The following FGF3 variants were observed in gnomAD, a reference collection of about 807,000 sequenced individuals.
FGF3 encodes fibroblast growth factor 3.
Under a neutral mutation model 9.8 loss-of-function variants are expected in FGF3, and 7 were observed. The ratio of observed to expected loss-of-function variants is 0.72; its 90% CI spans 0.41 to 1.35. The LOEUF (loss-of-function observed/expected upper bound fraction) is 1.35. Ranked by LOEUF, FGF3 falls within the 40% of genes most tolerant of loss-of-function variation. The pLI, the probability that FGF3 is intolerant of heterozygous loss-of-function variation, is 0.01. For missense variants in FGF3, 390 were observed against 345.6 expected (o/e 1.13, Z -1.02); for synonymous variants, 173 against 157.2 (o/e 1.10, Z -0.75).
intron 2 of FGF3, among the ~76,000 whole-genome samples, chr11:69,813,206 C>A (rs1210658004): frequency 6.6e-6 from 1 of 152,264 alleles, no homozygotes; most frequent in East Asian, 1.9e-4. Context: ...GGGGCGGGCA[C>A]TTTCTCATGG....
intron 1 of FGF3, 27 bp downstream of exon 1, chr11:69,818,687 C>G (rs2119938884): frequency 6.9e-7 from 1 of 1,447,530 alleles, no homozygotes; most frequent in South Asian, 1.3e-5. Flanking sequence ...CCGCTTCCCC[C>G]GGGGCCCCGC....
intron 1 of FGF3, among the ~76,000 whole-genome samples, chr11:69,816,752 C>G (rs960805632): frequency 3.3e-5 from 5 of 152,210 alleles, no homozygotes; most frequent in Non-Finnish European, 7.3e-5. Flanking sequence ...GACAGACAAG[C>G]AAGTGGGGAC....
At chr11:69,813,764 A>ATGGG (rs1565114969) in intron 2 of FGF3, among the ~76,000 whole-genome samples, 1 of 102,424 alleles carries the variant, frequency 9.8e-6, no homozygotes. Flanking sequence ...GGATGGGTGG[A>ATGGG]TGGGTGGATG....
chr11:69,816,139 C>T (rs1387148241), intron 2 of FGF3, among the ~76,000 whole-genome samples, 181 bp downstream of exon 2: 3 of 152,180 alleles, frequency 2.0e-5, no homozygotes, highest in Admixed American at 2.0e-4. Context: ...GCGGAGCAGC[C>T]TCTAACAGAC....
Position 69,810,627 on chromosome 11 carries a change from A to G in FGF3, c.398T>C (p.Leu133Pro). Reference protein sequence around the residue: ...ELGYNTYASRLYRTVSSTPGA... With the variant: ...ELGYNTYASRPYRTVSSTPGA... ...AGGCGTACTAGACACCGTCCGGTAC[A>G]GCCGGGAGGCATACGTATTATAGCC... Residue 133 changes from leucine (L) to proline (P), a missense_variant, in exon 3 of 3, where the codon CTG becomes CCG. Coordinates refer to ENST00000334134, the MANE Select transcript of FGF3 (RefSeq NM_005247.4). 3 of 1,603,658 alleles carry G rather than the reference A, an allele frequency of 1.9e-6. No individual in the cohort carries two copies. The highest frequency in any genetic ancestry group is 1.7e-6 in the Non-Finnish European group (2 of 1,173,170).
chr11:69,811,311 G>A (rs1031809212), intron 2 of FGF3, among the ~76,000 whole-genome samples: 2 of 152,040 alleles, frequency 1.3e-5, no homozygotes, highest in Non-Finnish European at 2.9e-5. Context: ...TTAGCCGGGT[G>A]TGGTGGCGTG....
At chr11:69,812,878 G>A (rs1554980577) in intron 2 of FGF3, among the ~76,000 whole-genome samples, 1 of 152,168 alleles carries the variant, frequency 6.6e-6, no homozygotes, top group East Asian at 1.9e-4. Context: ...AGGTGGCAGG[G>A]GGCTCAGGCT....
Position 69,818,927 on chromosome 11 carries a change from G to A in FGF3, c.7C>T (p.Leu3=), listed in dbSNP as rs1856191734. MG[L]IWLLLLSLLE... ...AGGCTGAGCAGTAGCAGCCAGATTA[G>A]GCCCATCGTGGCATCGCGCCCGCCC... Residue 3 remains leucine (L), a synonymous_variant, in exon 1 of 3, where the codon CTA becomes TTA. Transcript: ENST00000334134. The A allele has an allele frequency of 6.8e-7, 1 of 1,466,378 alleles. No individual in the cohort carries two copies. Among genetic ancestry groups the A allele is most frequent in the African/African-American group, 1.5e-5 (1 of 67,950 alleles). The allele number at this position is 1,466,378 out of a possible 1,614,324, so 90.8% of individuals were successfully genotyped here.
chr11:69,818,616 G>T (rs1234908881), intron 1 of FGF3, 98 bp downstream of exon 1: 15 of 885,088 alleles, frequency 1.7e-5, no homozygotes, highest in African/African-American at 3.6e-5. Context: ...CCCCTCCCCG[G>T]CGCCGCCTCC....
At chr11:69,814,365 G>A (rs1856093960) in intron 2 of FGF3, among the ~76,000 whole-genome samples, 1 of 152,008 alleles carries the variant, frequency 6.6e-6, no homozygotes, top group Non-Finnish European at 1.5e-5. Flanking sequence ...GCCCACTCTG[G>A]GTGAGAGTGA....
At chr11:69,817,737 C>G (rs1048221855) in intron 1 of FGF3, among the ~76,000 whole-genome samples, 1 of 152,084 alleles carries the variant, frequency 6.6e-6, no homozygotes, top group African/African-American at 2.4e-5. Flanking sequence ...GGGCCGGAGC[C>G]GAGCGCCGCG....
chr11:69,818,645 G>T (rs1856184107), intron 1 of FGF3, 69 bp downstream of exon 1: 7 of 1,203,792 alleles, frequency 5.8e-6, no homozygotes, highest in South Asian at 1.9e-5. Flanking sequence ...GCCCCGCAGC[G>T]CGCCTTCTCC....
At chr11:69,816,462 A>T (rs1554981106) in intron 1 of FGF3, 39 bp from the exon 2 acceptor site, 2 of 1,514,552 alleles carry the variant, frequency 1.3e-6, no homozygotes, top group South Asian at 1.1e-5. Flanking sequence ...CGCCGCCCCC[A>T]CGGAGGGGGC....
intron 2 of FGF3, among the ~76,000 whole-genome samples, chr11:69,814,085 G>A (rs1186627397): frequency 2.6e-5 from 4 of 151,902 alleles, no homozygotes; most frequent in African/African-American, 7.3e-5. Flanking sequence ...AAAGAAGGAA[G>A]GAAGGAGAGG....
At position 69,818,981 on chromosome 11, in the gene FGF3, G is replaced by A. The variant is rs1554981478; in HGVS notation, c.-48C>T. 7.6e-7 allele frequency: 1 copy of A among 1,320,368 alleles called. No individual in the cohort carries two copies. Among genetic ancestry groups the A allele is most frequent in the Non-Finnish European group, 1.0e-6 (1 of 997,532 alleles). The allele number at this position is 1,320,368 out of a possible 1,614,324, so 81.8% of individuals were successfully genotyped here. On this transcript the variant is annotated 5_prime_UTR_variant, in exon 1 of 3. Coordinates refer to ENST00000334134, the MANE Select transcript of FGF3 (RefSeq NM_005247.4). The stretch of plus-strand genomic sequence containing the variant: ...GGCGGCGGCGGCTGCAGGCGAGCGC[G>A]GCGCCCATGGAAGGGGCGGCAGCCG...
chr11:69,810,594 C>T lies in FGF3; in HGVS notation c.431G>A (p.Arg144His), dbSNP rs781807006. The T allele has an allele frequency of 1.2e-5, 20 of 1,610,858 alleles. No individual in the cohort carries two copies. Among genetic ancestry groups the T allele is most frequent in the African/African-American group, 4.0e-5 (3 of 74,900 alleles). ...CAGTCTCTCGGCGCTGGGCTGCCGG[C>T]GGGCCCCAGGCGTACTAGACACCGT... ...YRTVSSTPGA[R>H]RQPSAERLWY... is the part of the protein sequence containing the mutation. Residue 144 changes from arginine to histidine, a missense_variant, in exon 3 of 3, where the codon CGC (arginine) becomes CAC (histidine). By Grantham distance (29) the Arg-to-His change is conservative. Coordinates refer to ENST00000334134, the MANE Select transcript of FGF3 (RefSeq NM_005247.4).
Position 69,813,800 on chromosome 11 carries a change from A to ATGGATGGGTGGATGGG in FGF3, c.324+2504_324+2519dup, listed in dbSNP as rs1416300857. ...GATGGATGGATGGATGGATGGATGG[A>ATGGATGGGTGGATGGG]TGGATGGGTGGATGGGTGGATGGGT... On this transcript the variant is annotated intron_variant, in intron 2 of 2. Transcript: ENST00000334134. 1.4e-4 allele frequency among the ~76,000 whole-genome samples: 16 copies of ATGGATGGGTGGATGGG among 118,258 alleles called. 1 individual carries two copies. The highest frequency in any genetic ancestry group is 2.4e-4 in the Non-Finnish European group (14 of 57,146). 77.6% of individuals were successfully genotyped at this position (118,258 alleles called of 152,430 possible). A position where few individuals can be genotyped will look rare whatever the true frequency, so the allele number is the denominator to read the frequency against.
chr11:69,813,305 C>T (rs10908230), intron 2 of FGF3, among the ~76,000 whole-genome samples: 75,163 of 151,950 alleles, frequency 0.49, 18,853 homozygotes, highest in East Asian at 0.62. Context: ...TTCCGGAAGC[C>T]GGAGGAGGCT....
In FGF3 at chr11:69,818,803, CG is replaced by C. The variant is rs782612150; in HGVS notation, c.130del (p.Arg44GlyfsTer35). The C allele has an allele frequency of 6.7e-7, 1 of 1,491,378 alleles. No homozygotes were observed. The highest frequency in any genetic ancestry group is 8.9e-7 in the Non-Finnish European group (1 of 1,127,574). The allele number at this position is 1,491,378 out of a possible 1,614,324, so 92.4% of individuals were successfully genotyped here. ...GVYEHLGGAP[R>X]RRKLYCATKY... ...CGTGGCGCAGTAGAGCTTGCGGCGCCGGGGCGCCCCGCCAAGGTGCTCGTAG... is the reference window on the plus strand; with the variant it reads ...CGTGGCGCAGTAGAGCTTGCGGCGCCGGGCGCCCCGCCAAGGTGCTCGTAG... On this transcript the variant is annotated frameshift_variant, in exon 1 of 3. Transcript: ENST00000334134. LOFTEE classifies it high-confidence loss of function.
Sources: allele counts gnomAD v4.1 joint callset (sites outside exome capture counted in the v4.1 genomes callset), GRCh38; gene constraint gnomAD v4.1.1; transcripts MANE v1.5; gene names NCBI Gene and HGNC (gene_info 2026-07-23, HGNC 2026-07-21).